CD44: variants seen among roughly 807,000 people sequenced by gnomAD.
The protein encoded by CD44 is CD44 antigen.
Under a neutral mutation model 88.8 loss-of-function variants are expected in CD44, and 49 were observed. That is an observed-to-expected ratio of 0.55 (90% CI 0.44 to 0.70). The LOEUF is 0.70. CD44 is among the 30% of genes least tolerant of loss of function. The pLI is 0.00. For missense variants in CD44, 883 were observed against 913.8 expected, an observed-to-expected ratio of 0.97 and a Z score of 0.43; for synonymous variants, 325 against 312.3, an observed-to-expected ratio of 1.04 and a Z score of -0.43.
intron 3 of CD44, among the ~76,000 whole-genome samples, chr11:35,181,669 C>T (rs1330355725): frequency 4.1e-5 from 5 of 121,266 alleles, no homozygotes; most frequent in Admixed American, 2.0e-4. Context: ...TATACATATA[C>T]ATATATATAT....
chr11:35,164,022 A>G (rs913070464), intron 1 of CD44, among the ~76,000 whole-genome samples: 2 of 152,108 alleles, frequency 1.3e-5, no homozygotes, highest in Admixed American at 6.5e-5. Flanking sequence ...CATGTGAAGT[A>G]CCGAGCACAG....
In CD44 at chr11:35,201,743, A is replaced by T; in HGVS notation, c.1109A>T (p.His370Leu). ...NPEAHPPLIH[H>L]EHHEEEETPH... ...GAAGCACACCCTCCCCTCATTCACCATGAGCATCATGAGGAAGAAGAGACC... is the reference window on the plus strand; with the variant it reads ...GAAGCACACCCTCCCCTCATTCACCTTGAGCATCATGAGGAAGAAGAGACC... The change falls in exon 9 of 18, where the codon CAT becomes CTT. Residue 370 changes from histidine to leucine, a missense_variant. His to Leu is a moderately conservative substitution (Grantham distance 99). Transcript: ENST00000428726. The T allele has an allele frequency of 6.2e-7, 1 of 1,613,726 alleles. No homozygotes were observed. The highest frequency in any genetic ancestry group is 2.2e-5 in the East Asian group (1 of 44,862).
rs538584964 is a variant in CD44, at chr11:35,229,405, C to G, written c.*72C>G. 4.5e-6 allele frequency: 4 copies of G among 898,032 alleles called. No individual in the cohort carries two copies. Among genetic ancestry groups the G allele is most frequent in the East Asian group, 4.9e-5 (2 of 40,980 alleles). 55.6% of individuals were successfully genotyped at this position (898,032 alleles called of 1,614,324 possible). On this transcript the variant is annotated 3_prime_UTR_variant, in exon 18 of 18. Coordinates refer to ENST00000428726, the MANE Select transcript of CD44 (RefSeq NM_000610.4). ...CATTACAGGGAGCTGGGACACTTAA[C>G]AGATGCAATGTGCTACTGATTGTTT...
At chr11:35,191,102 G>T (rs1449865576) in intron 5 of CD44, among the ~76,000 whole-genome samples, 1 of 152,168 alleles carries the variant, frequency 6.6e-6, no homozygotes, top group African/African-American at 2.4e-5. Flanking sequence ...GTATGGTGTG[G>T]ATGTTCTCTT....
At chr11:35,219,246 T>C (rs1274284247) in intron 15 of CD44, 70 bp from the exon 16 acceptor site, 42 of 1,140,104 alleles carry the variant, frequency 3.7e-5, no homozygotes, top group Non-Finnish European at 5.3e-5. Context: ...CTGCCCTTTA[T>C]GCAGCTCCAC....
In CD44 at chr11:35,189,800, T is replaced by C. The variant is rs759288712; in HGVS notation, c.437-35T>C. Reference sequence around the variant, plus strand: ...TAATCCACATACTCAAAATATGAGCTGTGAAGTTCTGTAAGTACCTTTTCT... The same window carrying C: ...TAATCCACATACTCAAAATATGAGCCGTGAAGTTCTGTAAGTACCTTTTCT... On this transcript the variant is annotated intron_variant, in intron 4 of 17. Coordinates refer to ENST00000428726, the MANE Select transcript of CD44 (RefSeq NM_000610.4). 4.3e-6 allele frequency: 6 copies of C among 1,381,318 alleles called. No individual in the cohort carries two copies. In the African/African-American group the frequency reaches 8.6e-5, roughly 20 times the overall value. 85.6% of individuals were successfully genotyped at this position (1,381,318 alleles called of 1,614,324 possible).
intron 1 of CD44, among the ~76,000 whole-genome samples, chr11:35,152,590 C>T (rs566089734): frequency 2.0e-5 from 3 of 152,336 alleles, no homozygotes; most frequent in Admixed American, 2.0e-4. Flanking sequence ...TAGGCAGAAA[C>T]ACGTGATATA....
intron 14 of CD44, chr11:35,213,635 G>C (rs1316949992): frequency 6.6e-6 from 1 of 152,288 alleles, no homozygotes; most frequent in African/African-American, 2.4e-5. Context: ...CTGGGCGACA[G>C]AACGAGGCTC....
chr11:35,208,255 A>G lies in CD44; in HGVS notation c.1516+49A>G, dbSNP rs371760648. ...CTTTATTGACTTGTATTCCTGCTTC[A>G]TCTCTTACTCGCTATTGGCCAAGAT... On this transcript the variant is annotated intron_variant, in intron 12 of 17. Transcript: ENST00000428726. The G allele has an allele frequency of 8.1e-6, 10 of 1,241,168 alleles. No individual in the cohort carries two copies. The South Asian group carries it at 1.1e-4, about 13-fold the overall frequency. 76.9% of individuals were successfully genotyped at this position (1,241,168 alleles called of 1,614,324 possible).
chr11:35,208,949 CA>C (rs1286616292), intron 12 of CD44, among the ~76,000 whole-genome samples: 2 of 152,174 alleles, frequency 1.3e-5, no homozygotes, highest in African/African-American at 4.8e-5. Flanking sequence ...GGAAAAAAAT[CA>C]GCAAGCATGT....
chr11:35,144,062 C>G (rs960744722), intron 1 of CD44, among the ~76,000 whole-genome samples: 1 of 152,136 alleles, frequency 6.6e-6, no homozygotes, highest in East Asian at 1.9e-4. Flanking sequence ...GAACTGAAAC[C>G]CAGTGTGTGG....
intron 11 of CD44, among the ~76,000 whole-genome samples, chr11:35,207,201 A>ATATTTTAGT: frequency 6.6e-6 from 1 of 152,318 alleles, no homozygotes; most frequent in African/African-American, 2.4e-5. Flanking sequence ...AAGATCTTTA[A>ATATTTTAGT]TATTTTAGTG....
chr11:35,149,746 T>C (rs1347303856), intron 1 of CD44, among the ~76,000 whole-genome samples: 1 of 152,158 alleles, frequency 6.6e-6, no homozygotes, highest in Non-Finnish European at 1.5e-5. Context: ...ATGGAAAGAA[T>C]AACACAAAAC....
chr11:35,163,896 C>T (rs1182076550), intron 1 of CD44, among the ~76,000 whole-genome samples: 1 of 152,114 alleles, frequency 6.6e-6, no homozygotes, highest in African/African-American at 2.4e-5. Context: ...TGCCTCACCC[C>T]CTGCTGGTGC....
At chr11:35,162,554 C>T (rs1191037107) in intron 1 of CD44, among the ~76,000 whole-genome samples, 2 of 152,164 alleles carry the variant, frequency 1.3e-5, no homozygotes, top group Non-Finnish European at 2.9e-5. Flanking sequence ...GATTTAAAAG[C>T]TTGTCAGAAA....
intron 1 of CD44, among the ~76,000 whole-genome samples, chr11:35,163,095 C>T (rs1225368893): frequency 6.6e-6 from 1 of 152,092 alleles, no homozygotes; most frequent in East Asian, 1.9e-4. Context: ...TTTGCAGCTG[C>T]ATCACTTCAT....
chr11:35,139,463 G>T (rs1032415106), intron 1 of CD44, 93 bp downstream of exon 1: 1 of 1,137,306 alleles, frequency 8.8e-7, no homozygotes, highest in African/African-American at 1.5e-5. Flanking sequence ...GGCCCTGGGG[G>T]ACTGGAGTCA....
chr11:35,153,064 T>G (rs1007919968), intron 1 of CD44, among the ~76,000 whole-genome samples: 2 of 152,228 alleles, frequency 1.3e-5, no homozygotes, highest in African/African-American at 4.8e-5. Context: ...AGGAATTATG[T>G]AGCCAACTTG....
In CD44 at chr11:35,201,733, C is replaced by T. The variant is rs1947333731; in HGVS notation, c.1099C>T (p.Leu367Phe). 2 of 1,613,706 alleles carry T rather than the reference C, an allele frequency of 1.2e-6. No homozygotes were observed. Among genetic ancestry groups the T allele is most frequent in the South Asian group, 1.1e-5 (1 of 91,084 alleles). The change falls in exon 9 of 18, where the codon CTC (leucine) becomes TTC (phenylalanine). Residue 367 changes from leucine (L) to phenylalanine (F), a missense_variant. This residue lies in a region of CD44 where 631 missense variants were observed against 590.9 expected (regional missense o/e 1.07). Transcript: ENST00000428726. ...CTGGAACCCAGAAGCACACCCTCCC[C>T]TCATTCACCATGAGCATCATGAGGA... is the stretch of plus-strand genomic sequence containing the variant. ...GNWNPEAHPP[L>F]IHHEHHEEEE...
Sources: gnomAD v4.1 joint callset for allele counts (sites outside exome capture counted in the v4.1 genomes callset) on GRCh38, gnomAD v4.1.1 for gene constraint, gnomAD v4.1.1 regional missense constraint, MANE v1.5 for transcripts, NCBI Gene and HGNC (gene_info 2026-07-23, HGNC 2026-07-21) for gene names.